The following MGAT4C variants were observed in gnomAD, a reference collection of about 807,000 sequenced individuals.
The protein encoded by MGAT4C is alpha-1,3-mannosyl-glycoprotein 4-beta-N-acetylglucosaminyltransferase C.
In MGAT4C, 19 loss-of-function variants were observed where a neutral mutation model predicts 40.1. The ratio of observed to expected loss-of-function variants is 0.47; its 90% CI spans 0.33 to 0.70. The LOEUF is 0.70. Ranked by LOEUF, MGAT4C falls within the 30% of genes least tolerant of loss-of-function variation. The pLI is 0.02. For missense variants in MGAT4C, 491 were observed against 563.2 expected, an observed-to-expected ratio of 0.87 and a Z score of 1.30; for synonymous variants, 181 against 187.1, an observed-to-expected ratio of 0.97 and a Z score of 0.27.
intron 2 of MGAT4C, chr12:86,013,782 C>T: frequency 1.1e-6 from 1 of 896,464 alleles, no homozygotes. Flanking sequence ...AAAAAAAAGA[C>T]TTTCTTAGTA....
At chr12:86,450,665 A>G (rs2136286642) in intron 2 of MGAT4C, among the ~76,000 whole-genome samples, 1 of 152,086 alleles carries the variant, frequency 6.6e-6, no homozygotes, top group South Asian at 2.1e-4. Context: ...CCTTGGAATT[A>G]ATTACCTTGT....
At chr12:86,027,915 T>G (rs1271713991) in intron 2 of MGAT4C, among the ~76,000 whole-genome samples, 1 of 151,932 alleles carries the variant, frequency 6.6e-6, no homozygotes, top group Non-Finnish European at 1.5e-5. Flanking sequence ...ATACAGTAAT[T>G]ATTTATCATC....
chr12:86,011,769 A>C (rs906292830), intron 2 of MGAT4C: 1 of 884,690 alleles, frequency 1.1e-6, no homozygotes, highest in Middle Eastern at 5.9e-4. Context: ...AGGAATAAAC[A>C]CTATATTGAA....
intron 1 of MGAT4C, among the ~76,000 whole-genome samples, chr12:86,752,483 A>C (rs540755771): frequency 6.6e-6 from 1 of 152,192 alleles, no homozygotes; most frequent in African/African-American, 2.4e-5. Context: ...TAGGTCTTTT[A>C]GATTTTCATA....
chr12:86,634,760 G>C (rs1261296376), intron 2 of MGAT4C, among the ~76,000 whole-genome samples: 1 of 152,084 alleles, frequency 6.6e-6, no homozygotes, highest in Non-Finnish European at 1.5e-5. Context: ...GCTGGAGACT[G>C]TCTTATTCCT....
intron 4 of MGAT4C, among the ~76,000 whole-genome samples, chr12:86,292,786 G>A (rs532455984): frequency 6.6e-6 from 1 of 151,302 alleles, no homozygotes; most frequent in African/African-American, 2.4e-5. Flanking sequence ...TAAAATCGCT[G>A]TTGTGAGTTA....
At chr12:86,092,095 C>T (rs529866483) in intron 1 of MGAT4C, among the ~76,000 whole-genome samples, 69 of 152,134 alleles carry the variant, frequency 4.5e-4, no homozygotes, top group Admixed American at 1.2e-3. Flanking sequence ...ACAAAAATAC[C>T]TACAAAAATG....
At chr12:86,323,563 A>G (rs544276853) in intron 4 of MGAT4C, among the ~76,000 whole-genome samples, 8 of 152,046 alleles carry the variant, frequency 5.3e-5, no homozygotes, top group Middle Eastern at 3.4e-3. Flanking sequence ...TAAGGAAAAT[A>G]TAATATCCAA....
At chr12:86,290,109 C>T (rs1036328076) in intron 4 of MGAT4C, among the ~76,000 whole-genome samples, 2 of 151,474 alleles carry the variant, frequency 1.3e-5, no homozygotes, top group Non-Finnish European at 2.9e-5. Flanking sequence ...TGTAGTGGTG[C>T]GATCTCTGCT....
intron 2 of MGAT4C, among the ~76,000 whole-genome samples, chr12:86,662,568 A>G (rs1039246380): frequency 3.9e-5 from 6 of 152,168 alleles, no homozygotes; most frequent in Non-Finnish European, 8.8e-5. Context: ...TCTCAGTTCT[A>G]TTCCTTACTG....
At chr12:86,678,947 T>G (rs1210718234) in intron 2 of MGAT4C, among the ~76,000 whole-genome samples, 1 of 152,098 alleles carries the variant, frequency 6.6e-6, no homozygotes, top group Non-Finnish European at 1.5e-5. Context: ...ATATACCCAG[T>G]AATGGGATGG....
At chr12:85,989,264 C>T in intron 3 of MGAT4C, 136 bp downstream of exon 3, 1 of 630,252 alleles carries the variant, frequency 1.6e-6, no homozygotes, top group East Asian at 3.2e-5. Context: ...AAAAAATAGA[C>T]AATATACATG....
intron 1 of MGAT4C, among the ~76,000 whole-genome samples, chr12:86,766,143 C>T (rs1235563418): frequency 2.0e-5 from 3 of 152,006 alleles, no homozygotes; most frequent in East Asian, 1.9e-4. Context: ...CAGAGACACA[C>T]ATAGGCTCAA....
intron 2 of MGAT4C, among the ~76,000 whole-genome samples, chr12:86,581,601 ACT>A (rs1368252933): frequency 6.6e-6 from 1 of 151,442 alleles, no homozygotes. Context: ...TAAACAGCAT[ACT>A]AACAAATTTT....
chr12:86,326,236 T>C (rs1425198770), intron 4 of MGAT4C, among the ~76,000 whole-genome samples: 1 of 151,982 alleles, frequency 6.6e-6, no homozygotes, highest in African/African-American at 2.4e-5. Flanking sequence ...TTGGTGACTA[T>C]AGTTAATAAT....
intron 3 of MGAT4C, among the ~76,000 whole-genome samples, chr12:86,431,695 T>C (rs541879347): frequency 6.6e-6 from 1 of 152,286 alleles, no homozygotes; most frequent in South Asian, 2.1e-4. Flanking sequence ...GAGTATCAAT[T>C]ATTTCCCATC....
At chr12:85,984,732 CTT>C (rs894338680) in intron 3 of MGAT4C, among the ~76,000 whole-genome samples, 2 of 150,802 alleles carry the variant, frequency 1.3e-5, no homozygotes, top group Non-Finnish European at 3.0e-5. Context: ...CTCTCTCTCT[CTT>C]TTTTTTTCTC....
intron 1 of MGAT4C, among the ~76,000 whole-genome samples, chr12:86,789,152 T>C (rs1951982073): frequency 6.6e-6 from 1 of 152,158 alleles, no homozygotes; most frequent in South Asian, 2.1e-4. Flanking sequence ...ATATGTTAGG[T>C]ATTCACGACA....
chr12:86,185,510 G>A (rs1888660884), intron 1 of MGAT4C, among the ~76,000 whole-genome samples: 1 of 152,016 alleles, frequency 6.6e-6, no homozygotes, highest in Non-Finnish European at 1.5e-5. Flanking sequence ...ATACACATAA[G>A]CATATGTTCT....
Sources: gnomAD v4.1 joint callset for allele counts (sites outside exome capture counted in the v4.1 genomes callset) on GRCh38, gnomAD v4.1.1 for gene constraint, MANE v1.5 for transcripts, NCBI Gene and HGNC (gene_info 2026-07-23, HGNC 2026-07-21) for gene names.